GSE1: variants seen among roughly 807,000 people sequenced by gnomAD.
The protein encoded by GSE1 is genetic suppressor element 1.
Under a neutral mutation model 112.6 loss-of-function variants are expected in GSE1, and 32 were observed. The ratio of observed to expected loss-of-function variants is 0.28; its 90% CI spans 0.21 to 0.38. The LOEUF (loss-of-function observed/expected upper bound fraction) is 0.38. Ranked by LOEUF, GSE1 falls within the 10% of genes least tolerant of loss-of-function variation. The probability of loss-of-function intolerance (pLI) is 1.00; values close to 1 mark genes in which losing one functional copy is unlikely to be tolerated. For missense variants in GSE1, 2,348 were observed against 1,699.2 expected (o/e 1.38, Z -6.71); for synonymous variants, 1,115 against 735.6 (o/e 1.52, Z -8.35).
At chr16:85,505,485 C>T (rs996900255) in intron 2 of GSE1, among the ~76,000 whole-genome samples, 22 of 152,114 alleles carry the variant, frequency 1.4e-4, no homozygotes, top group African/African-American at 5.3e-4. Context: ...AAAATAGAGC[C>T]CAGGCCCTGA....
upstream of GSE1, chr16:85,611,352 C>T (rs1424183950): frequency 1.2e-4 from 40 of 341,300 alleles, no homozygotes; most frequent in Non-Finnish European, 8.3e-6. Context: ...CGCCTGGGGC[C>T]GGGTGAATCC....
intron 2 of GSE1, among the ~76,000 whole-genome samples, chr16:85,507,779 G>A (rs927556988): frequency 5.3e-5 from 8 of 152,188 alleles, no homozygotes; most frequent in Admixed American, 4.6e-4. Context: ...TCTGAGGCCC[G>A]GGGGCTGGGA....
At chr16:85,390,232 A>T (rs2047806721) in intron 2 of GSE1, among the ~76,000 whole-genome samples, 1 of 152,006 alleles carries the variant, frequency 6.6e-6, no homozygotes, top group South Asian at 2.1e-4. Flanking sequence ...CAAAATACTC[A>T]CGGCCTGTAG....
chr16:85,240,597 C>T (rs916439442), intron 1 of GSE1, among the ~76,000 whole-genome samples: 1 of 152,178 alleles, frequency 6.6e-6, no homozygotes, highest in South Asian at 2.1e-4. Flanking sequence ...TGGTAGTTCC[C>T]GCTGCTAGGG....
chr16:85,270,519 T>C (rs10871291), intron 1 of GSE1, among the ~76,000 whole-genome samples: 73,844 of 147,828 alleles, frequency 0.5, 21,751 homozygotes, highest in African/African-American at 0.62. Context: ...CATCCTCTTT[T>C]CCAGTGTTTT....
At chr16:85,478,863 CTTTCTTTCTTTCT>C (rs2050554231) in intron 2 of GSE1, among the ~76,000 whole-genome samples, 2 of 30,272 alleles carry the variant, frequency 6.6e-5, no homozygotes, top group Non-Finnish European at 1.1e-4. Flanking sequence ...TTCTTTCTTT[CTTTCTTTCTTTCT>C]TTCTTTCTTT....
intron 1 of GSE1, among the ~76,000 whole-genome samples, chr16:85,557,949 A>G (rs1215672924): frequency 1.3e-5 from 2 of 149,960 alleles, no homozygotes; most frequent in Non-Finnish European, 3.0e-5. Flanking sequence ...CAGCGTTTCC[A>G]TTCCATTCTT....
chr16:85,666,411 G>A, intron 13 of GSE1, 64 bp downstream of exon 13: 1 of 1,554,256 alleles, frequency 6.4e-7, no homozygotes, highest in Non-Finnish European at 8.9e-7. Context: ...AAGTTGCTGA[G>A]CGCCACAGCT....
chr16:85,472,234 C>T (rs1230819652), intron 2 of GSE1, among the ~76,000 whole-genome samples: 1 of 152,186 alleles, frequency 6.6e-6, no homozygotes, highest in Non-Finnish European at 1.5e-5. Context: ...TAGCCTAAAA[C>T]CACAGGAATG....
At chr16:85,664,398 C>T (rs561952865) in intron 11 of GSE1, 1 of 152,310 alleles carries the variant, frequency 6.6e-6, no homozygotes, top group African/African-American at 2.4e-5. Context: ...TTTAACCAGT[C>T]AGTAGTTTTC....
chr16:85,217,122 C>A (rs1030021357), intron 1 of GSE1, among the ~76,000 whole-genome samples: 1 of 152,228 alleles, frequency 6.6e-6, no homozygotes, highest in Non-Finnish European at 1.5e-5. Flanking sequence ...TCCGTTTCCC[C>A]ATATGGAGCG....
intron 2 of GSE1, among the ~76,000 whole-genome samples, chr16:85,479,357 T>A (rs1427503584): frequency 2.0e-5 from 3 of 151,398 alleles, no homozygotes; most frequent in Non-Finnish European, 4.4e-5. Context: ...TTAGTAGAGA[T>A]GGGGTTTCAT....
chr16:85,609,403 C>G (rs901363868), upstream of GSE1, among the ~76,000 whole-genome samples: 1 of 152,218 alleles, frequency 6.6e-6, no homozygotes, highest in African/African-American at 2.4e-5. Flanking sequence ...CCAGCTAACC[C>G]TGGCCTCTCT....
At chr16:85,328,790 TGGGCGTCCCCGCCCCG>T (rs536187171) in intron 1 of GSE1, among the ~76,000 whole-genome samples, 1,511 of 149,666 alleles carry the variant, frequency 0.01, 12 homozygotes, top group Non-Finnish European at 0.019. Flanking sequence ...GCCTTGCGGC[TGGGCGTCCCCGCCCCG>T]GGGCCTCCCC....
chr16:85,448,542 C>T (rs550446490), intron 2 of GSE1, among the ~76,000 whole-genome samples: 1 of 152,334 alleles, frequency 6.6e-6, no homozygotes, highest in Admixed American at 6.5e-5. Context: ...AGGCGGGACC[C>T]CAGGGGGAAG....
At chr16:85,340,069 G>A (rs970510054) in intron 1 of GSE1, among the ~76,000 whole-genome samples, 3 of 151,946 alleles carry the variant, frequency 2.0e-5, no homozygotes, top group Non-Finnish European at 4.4e-5. Context: ...AATCTCAGTC[G>A]ATAAAGGTGT....
chr16:85,312,933 A>G (rs879934610), intron 1 of GSE1, among the ~76,000 whole-genome samples: 11 of 152,202 alleles, frequency 7.2e-5, no homozygotes, highest in Middle Eastern at 3.4e-3. Context: ...GTGTGACGGA[A>G]GTGCTGAGGC....
chr16:85,657,093 C>A (rs1008369383), intron 7 of GSE1, among the ~76,000 whole-genome samples, 184 bp from the exon 8 acceptor site: 2 of 152,208 alleles, frequency 1.3e-5, no homozygotes, highest in Admixed American at 6.5e-5. Context: ...GCGTTTCCTT[C>A]CAGGGACAAG....
intron 2 of GSE1, among the ~76,000 whole-genome samples, chr16:85,524,812 C>T (rs1231586069): frequency 6.6e-6 from 1 of 152,092 alleles, no homozygotes; most frequent in Non-Finnish European, 1.5e-5. Flanking sequence ...CATTTACACC[C>T]TAGGGAAACT....
Sources: allele counts gnomAD v4.1 joint callset (sites outside exome capture counted in the v4.1 genomes callset), GRCh38; gene constraint gnomAD v4.1.1; transcripts MANE v1.5; gene names NCBI Gene and HGNC (gene_info 2026-07-23, HGNC 2026-07-21).